The following RAB10 variants were observed in gnomAD, a reference collection of about 807,000 sequenced individuals.
The protein encoded by RAB10 is ras-related protein Rab-10.
Under a neutral mutation model 25.7 loss-of-function variants are expected in RAB10, and 5 were observed. The observed-to-expected ratio is 0.19, with a 90% CI of 0.10 to 0.41. RAB10 has a LOEUF of 0.41. Ranked by LOEUF, RAB10 falls within the 10% of genes least tolerant of loss-of-function variation. The pLI is 1.00. For missense variants in RAB10, 103 were observed against 245.8 expected, an observed-to-expected ratio of 0.42 and a Z score of 3.89; for synonymous variants, 89 against 86.4, an observed-to-expected ratio of 1.03 and a Z score of -0.16.
intron 2 of RAB10, among the ~76,000 whole-genome samples, chr2:26,102,737 C>T (rs578184558): frequency 1.2e-3 from 178 of 152,328 alleles, no homozygotes; most frequent in Admixed American, 2.2e-3. Context: ...TGCCCCTGGC[C>T]AGGCTGTGAT....
At chr2:26,057,776 A>T (rs1445589816) in intron 1 of RAB10, among the ~76,000 whole-genome samples, 2 of 152,108 alleles carry the variant, frequency 1.3e-5, no homozygotes, top group Admixed American at 6.6e-5. Context: ...TGCAGGCGCA[A>T]CCACACCCAG....
chr2:26,051,981 C>T (rs760022875), intron 1 of RAB10, among the ~76,000 whole-genome samples: 5 of 151,206 alleles, frequency 3.3e-5, no homozygotes, highest in Non-Finnish European at 4.4e-5. Context: ...CACTTGAACC[C>T]GGGAGGCGGA....
chr2:26,085,054 T>C (rs945156496), intron 1 of RAB10, among the ~76,000 whole-genome samples: 3 of 152,206 alleles, frequency 2.0e-5, no homozygotes, highest in African/African-American at 7.2e-5. Flanking sequence ...CCCAGAATTT[T>C]TCAGTATCAA....
chr2:26,071,428 C>T (rs960804583), intron 1 of RAB10, among the ~76,000 whole-genome samples: 2 of 152,212 alleles, frequency 1.3e-5, no homozygotes, highest in Non-Finnish European at 2.9e-5. Context: ...TGGCCCACTC[C>T]TGTAATCCCA....
At chr2:26,114,957 A>G (rs1667653115) in intron 3 of RAB10, among the ~76,000 whole-genome samples, 1 of 152,130 alleles carries the variant, frequency 6.6e-6, no homozygotes, top group African/African-American at 2.4e-5. Flanking sequence ...ATCTAAAGCC[A>G]TGAAGTGGCA....
chr2:26,086,014 AAAAGG>A (rs1285244967), intron 1 of RAB10, among the ~76,000 whole-genome samples: 7 of 139,308 alleles, frequency 5.0e-5, no homozygotes, highest in Non-Finnish European at 6.2e-5. Flanking sequence ...AAAAAAAAAA[AAAAGG>A]GGGGGGGCAA....
intron 5 of RAB10, among the ~76,000 whole-genome samples, chr2:26,129,690 T>C (rs959981281): frequency 1.3e-5 from 2 of 152,330 alleles, no homozygotes; most frequent in South Asian, 2.1e-4. Flanking sequence ...TCATCAGTTA[T>C]TGCTCTTCAA....
chr2:26,050,166 C>G (rs1163286026), intron 1 of RAB10, among the ~76,000 whole-genome samples: 2 of 152,142 alleles, frequency 1.3e-5, no homozygotes, highest in Non-Finnish European at 2.9e-5. Context: ...TAAAAGGGTA[C>G]ATGGTAAAGG....
rs1665700973 is a variant in RAB10, at chr2:26,034,118, A to G, written c.-491A>G. The G allele has an allele frequency of 2.5e-6, 1 of 403,620 alleles. No homozygotes were observed. The allele number at this position is 403,620 out of a possible 1,614,324, so 25.0% of individuals were successfully genotyped here. A position where few individuals can be genotyped will look rare whatever the true frequency, so the allele number is the denominator to read the frequency against. The stretch of plus-strand genomic sequence containing the variant: ...AGCGCGCACGCCGGCGTGAGAGGGC[A>G]CGGGGAAAAGGTGGCTCTGGCCGGG... On this transcript the variant is annotated 5_prime_UTR_variant, in exon 1 of 6. Coordinates refer to ENST00000264710, the MANE Select transcript of RAB10 (RefSeq NM_016131.5).
chr2:26,036,614 G>C (rs1186413031), intron 1 of RAB10, among the ~76,000 whole-genome samples: 1 of 151,604 alleles, frequency 6.6e-6, no homozygotes, highest in Non-Finnish European at 1.5e-5. Context: ...AGCTGAGATT[G>C]TGCCACTGCA....
intron 1 of RAB10, among the ~76,000 whole-genome samples, chr2:26,046,983 T>A (rs1298667331): frequency 1.3e-5 from 2 of 152,208 alleles, no homozygotes; most frequent in Non-Finnish European, 2.9e-5. Context: ...CTTTGCCCAG[T>A]TTCTTCCAAT....
chr2:26,049,648 A>T (rs1666093436), intron 1 of RAB10, among the ~76,000 whole-genome samples: 1 of 152,010 alleles, frequency 6.6e-6, no homozygotes, highest in South Asian at 2.1e-4. Context: ...ACCTCAGGTG[A>T]TCCTCTTGCC....
rs189119093 is a variant in RAB10 at position 26,104,038 on chromosome 2, T to C, written c.188+5316T>C. ...TTTTGGCTATTATGAATAATGTTGCTGTGAACATTCACGTCTACGTTTTTG... is the reference window on the plus strand; with the variant it reads ...TTTTGGCTATTATGAATAATGTTGCCGTGAACATTCACGTCTACGTTTTTG... On this transcript the variant is annotated intron_variant, in intron 2 of 5. Transcript: ENST00000264710. Among the ~76,000 whole-genome samples the C allele has an allele frequency of 1.8e-4, 27 of 152,382 alleles. No homozygotes were observed. In the East Asian group the frequency reaches 5.0e-3, roughly 28 times the overall value.
intron 2 of RAB10, among the ~76,000 whole-genome samples, chr2:26,109,202 G>A (rs1004132153): frequency 2.6e-5 from 4 of 152,162 alleles, no homozygotes; most frequent in South Asian, 2.1e-4. Context: ...GAGCCACTGC[G>A]CCCGACCTTA....
chr2:26,044,152 T>G (rs1172978196), intron 1 of RAB10, among the ~76,000 whole-genome samples: 1 of 152,178 alleles, frequency 6.6e-6, no homozygotes, highest in Non-Finnish European at 1.5e-5. Flanking sequence ...ATGTTATGTT[T>G]TAGAAAATGG....
At chr2:26,111,776 G>T in intron 3 of RAB10, among the ~76,000 whole-genome samples, 1 of 152,136 alleles carries the variant, frequency 6.6e-6, no homozygotes, top group Non-Finnish European at 1.5e-5. Context: ...CTGGTGTCCT[G>T]CTATTCAATG....
At chr2:26,060,535 G>A (rs968840146) in intron 1 of RAB10, among the ~76,000 whole-genome samples, 4 of 152,096 alleles carry the variant, frequency 2.6e-5, no homozygotes, top group Non-Finnish European at 4.4e-5. Context: ...TGATCTGCCC[G>A]CCTCGGCCTC....
chr2:26,112,501 G>T (rs1282631226), intron 3 of RAB10, among the ~76,000 whole-genome samples: 1 of 152,150 alleles, frequency 6.6e-6, no homozygotes, highest in Non-Finnish European at 1.5e-5. Flanking sequence ...TGGGAACAAA[G>T]ACCTAATATA....
chr2:26,126,375 C>T lies in RAB10; in HGVS notation c.328-769C>T, dbSNP rs191728118. Among the ~76,000 whole-genome samples the T allele has an allele frequency of 5.6e-3, 858 of 152,208 alleles. 10 individuals carry two copies. The highest frequency in any genetic ancestry group is 0.02 in the African/African-American group (812 of 41,560). On this transcript the variant is annotated intron_variant, in intron 3 of 5. Coordinates refer to ENST00000264710, the MANE Select transcript of RAB10 (RefSeq NM_016131.5). ...GGTGGATCACTTGAGGCCAGGAGTTCGCGATCAGCCTGGCCAACATGGCAA... is the reference window on the plus strand; with the variant it reads ...GGTGGATCACTTGAGGCCAGGAGTTTGCGATCAGCCTGGCCAACATGGCAA...
Sources: gnomAD v4.1 joint callset for allele counts (sites outside exome capture counted in the v4.1 genomes callset) on GRCh38, gnomAD v4.1.1 for gene constraint, MANE v1.5 for transcripts, NCBI Gene and HGNC (gene_info 2026-07-23, HGNC 2026-07-21) for gene names.